The following AMMECR1 variants were observed in gnomAD, a reference collection of about 807,000 sequenced individuals.
The protein encoded by AMMECR1 is nuclear protein AMMECR1.
Under a neutral mutation model 22.5 loss-of-function variants are expected in AMMECR1, and 3 were observed. The observed-to-expected ratio is 0.13, with a 90% confidence interval of 0.06 to 0.35. The LOEUF (loss-of-function observed/expected upper bound fraction) is 0.35, where lower values mean the gene tolerates loss of function less well. Ranked by LOEUF, AMMECR1 falls within the 10% of genes least tolerant of loss-of-function variation. AMMECR1 has a pLI of 1.00. For synonymous variants in AMMECR1, 130 were observed against 116.7 expected (o/e 1.11, Z -0.74); for missense variants, 235 against 278.7 (o/e 0.84, Z 1.12).
chrX:110,290,632 T>C (rs1051225833), intron 1 of AMMECR1, among the ~76,000 whole-genome samples: 2 of 111,417 alleles, frequency 1.8e-5, no homozygotes, highest in African/African-American at 6.5e-5. Flanking sequence ...ATATTTCTGG[T>C]GCTTAACAGT....
intron 1 of AMMECR1, among the ~76,000 whole-genome samples, chrX:110,316,824 T>A (rs1325881894): frequency 9.2e-6 from 1 of 109,149 alleles, no homozygotes; most frequent in East Asian, 2.8e-4. Flanking sequence ...CAAAAGCGAA[T>A]GCACGCTTAA....
intron 2 of AMMECR1, among the ~76,000 whole-genome samples, chrX:110,354,841 A>G (rs2068224375): frequency 8.9e-6 from 1 of 112,245 alleles, no homozygotes; most frequent in Non-Finnish European, 1.9e-5. Flanking sequence ...CCAATTCGAA[A>G]TAAATAAACT....
intron 2 of AMMECR1, among the ~76,000 whole-genome samples, chrX:110,230,885 G>A (rs1382452107): frequency 2.7e-5 from 3 of 112,071 alleles, no homozygotes; most frequent in Admixed American, 9.5e-5. Context: ...CGTGACACAT[G>A]CTCAAGCTTC....
At chrX:110,269,680 A>G (rs1468753749) in intron 1 of AMMECR1, among the ~76,000 whole-genome samples, 1 of 111,700 alleles carries the variant, frequency 9.0e-6, no homozygotes, top group Non-Finnish European at 1.9e-5. Context: ...TAAAAATACC[A>G]TAATTCCCCA....
intron 2 of AMMECR1, among the ~76,000 whole-genome samples, chrX:110,263,683 A>G (rs2067753522): frequency 8.9e-6 from 1 of 111,942 alleles, no homozygotes; most frequent in Admixed American, 9.5e-5. Context: ...GTCAGCAGGG[A>G]GCAATTTCTT....
chrX:110,218,213 A>C (rs1329746670), intron 2 of AMMECR1, among the ~76,000 whole-genome samples: 1 of 111,436 alleles, frequency 9.0e-6, no homozygotes, highest in African/African-American at 3.3e-5. Flanking sequence ...CACAGGAAAG[A>C]AGTTCTAAAA....
At chrX:110,374,141 T>C (rs1369809593) in intron 2 of AMMECR1, among the ~76,000 whole-genome samples, 1 of 112,000 alleles carries the variant, frequency 8.9e-6, no homozygotes, top group Non-Finnish European at 1.9e-5. Context: ...ACATGAGTCC[T>C]GAGATTAAAA....
Position 110,216,560 on chromosome X carries a change from C to A in AMMECR1, c.657G>T (p.Leu219=). Reference sequence around the variant, plus strand: ...CACAGACATCTTCAAAGTTAGTGAGCAGAGACACTGAGCAGAAAAGCCGTG... The same window carrying A: ...CACAGACATCTTCAAAGTTAGTGAGAAGAGACACTGAGCAGAAAAGCCGTG... ...ELPRLFCSVS[L]LTNFEDVCDY... is the part of the protein sequence containing the mutation. The change falls in exon 3 of 6, where the codon CTG becomes CTT. Residue 219 remains leucine (L), a synonymous_variant. Transcript: ENST00000262844. 8.3e-7 allele frequency: 1 copy of A among 1,209,260 alleles called. No homozygotes were observed. The highest frequency in any genetic ancestry group is 1.1e-6 in the Non-Finnish European group (1 of 893,710).
chrX:110,414,431 G>A (rs993138658), intron 2 of AMMECR1, among the ~76,000 whole-genome samples: 2 of 112,610 alleles, frequency 1.8e-5, no homozygotes, highest in African/African-American at 3.2e-5. Flanking sequence ...GAGGGGAAAG[G>A]GGAAGTGATA....
chrX:110,225,008 T>C (rs763238556), intron 2 of AMMECR1: 6 of 373,292 alleles, frequency 1.6e-5, no homozygotes, highest in Admixed American at 1.3e-4. Context: ...CTGCAGGACA[T>C]GTCCTCACTA....
At chrX:110,310,670 A>T (rs1221928065) in intron 1 of AMMECR1, among the ~76,000 whole-genome samples, 1 of 112,317 alleles carries the variant, frequency 8.9e-6, no homozygotes, top group Non-Finnish European at 1.9e-5. Flanking sequence ...GCAATGATGG[A>T]AGCCAAAAAC....
chrX:110,273,539 C>T (rs937609223), intron 1 of AMMECR1, among the ~76,000 whole-genome samples: 12 of 112,150 alleles, frequency 1.1e-4, no homozygotes, highest in African/African-American at 1.9e-4. Context: ...TTAGAGTTTT[C>T]ATCATAAATT....
At chrX:110,323,094 C>T (rs1298881640) in intron 2 of AMMECR1, among the ~76,000 whole-genome samples, 4 of 112,092 alleles carry the variant, frequency 3.6e-5, no homozygotes, top group Admixed American at 9.4e-5. Context: ...TGCCACTTGA[C>T]GGTCTTCTAA....
intron 2 of AMMECR1, among the ~76,000 whole-genome samples, chrX:110,355,058 A>G (rs1273149436): frequency 3.6e-5 from 4 of 112,404 alleles, no homozygotes; most frequent in Non-Finnish European, 7.5e-5. Flanking sequence ...AATAGAGTGA[A>G]GGGACAGCTC....
At chrX:110,403,903 A>G (rs1239862031) in intron 2 of AMMECR1, among the ~76,000 whole-genome samples, 6 of 111,815 alleles carry the variant, frequency 5.4e-5, no homozygotes, top group Non-Finnish European at 1.1e-4. Flanking sequence ...AAGCATTCTG[A>G]ATTCCTTCAA....
rs760951954 is a variant in AMMECR1 at position 110,360,678 on chromosome X, A to C, written c.-147-42829T>G. Among the ~76,000 whole-genome samples the C allele has an allele frequency of 1.1e-4, 12 of 111,792 alleles. No individual in the cohort carries two copies. In the South Asian group the frequency reaches 4.6e-3, roughly 43 times the overall value. ...AAGATAGAGAGCCCAGGAGAAGTAGAAAGATTTTTTTGGAGGGGAAGGACA... is the reference window on the plus strand; with the variant it reads ...AAGATAGAGAGCCCAGGAGAAGTAGCAAGATTTTTTTGGAGGGGAAGGACA... On this transcript the variant is annotated intron_variant, in intron 2 of 7. Coordinates refer to the AMMECR1 transcript ENST00000372057.
intron 2 of AMMECR1, among the ~76,000 whole-genome samples, chrX:110,261,523 A>G (rs1334725811): frequency 9.0e-6 from 1 of 111,493 alleles, no homozygotes; most frequent in South Asian, 3.7e-4. Context: ...TGTATTCTTA[A>G]AGTCTAGTCC....
At chrX:110,311,775 T>C (rs767451232) in intron 1 of AMMECR1, among the ~76,000 whole-genome samples, 45 of 112,052 alleles carry the variant, frequency 4.0e-4, no homozygotes, top group Non-Finnish European at 4.1e-4. Flanking sequence ...CAACACTAAC[T>C]ACAGAAGCTA....
At chrX:110,325,315 A>G (rs1251383291) in intron 2 of AMMECR1, among the ~76,000 whole-genome samples, 1 of 111,506 alleles carries the variant, frequency 9.0e-6, no homozygotes, top group African/African-American at 3.3e-5. Context: ...TTCCAATTAT[A>G]CTCTTAGTTA....
Sources: gnomAD v4.1 joint callset for allele counts (sites outside exome capture counted in the v4.1 genomes callset) on GRCh38, gnomAD v4.1.1 for gene constraint, MANE v1.5 for transcripts, NCBI Gene and HGNC (gene_info 2026-07-23, HGNC 2026-07-21) for gene names.